Variants in NUP188 observed in about 807,000 individuals in gnomAD.
NUP188 encodes nucleoporin 188.
A neutral mutation model predicts 223.0 loss-of-function variants in NUP188; 97 were observed. The ratio of observed to expected loss-of-function variants is 0.43; its 90% CI spans 0.37 to 0.51. NUP188 has a LOEUF of 0.51. Ranked by LOEUF, NUP188 falls within the 20% of genes least tolerant of loss-of-function variation. The pLI, the probability that NUP188 is intolerant of heterozygous loss-of-function variation, is 0.00. For missense variants in NUP188, 1,947 were observed against 2,175.6 expected (o/e 0.89, Z 2.09); for synonymous variants, 869 against 828.0 (o/e 1.05, Z -0.85).
intron 36 of NUP188, 130 bp downstream of exon 36, chr9:129,002,106 C>T (rs1183681839): frequency 8.4e-6 from 6 of 713,066 alleles, no homozygotes; most frequent in Non-Finnish European, 1.5e-5. Flanking sequence ...GGTGAGGAAT[C>T]TTCCCTGCCC....
rs554137279 is a variant in NUP188, at chr9:128,983,682, G to A, written c.1961+132G>A. On this transcript the variant is annotated intron_variant, in intron 19 of 43. Transcript: ENST00000372577. ...TTTTTTTGAGATGGAGTCTCACTCT[G>A]TTGCCCAGGCTGGAGTGCAGTGGTG... 39 of 693,622 alleles carry A rather than the reference G, an allele frequency of 5.6e-5. No individual in the cohort carries two copies. The African/African-American group carries it at 5.9e-4, about 11-fold the overall frequency. The allele number at this position is 693,622 out of a possible 1,614,324, so 43.0% of individuals were successfully genotyped here.
At chr9:128,973,633 T>C (rs1249494245) in intron 12 of NUP188, among the ~76,000 whole-genome samples, 1 of 152,202 alleles carries the variant, frequency 6.6e-6, no homozygotes, top group Non-Finnish European at 1.5e-5. Flanking sequence ...TCCGCCTGCC[T>C]CGGCCTCCCA....
Position 128,981,229 on chromosome 9 carries a change from A to AG in NUP188, c.1390-32dup, listed in dbSNP as rs770840515. The AG allele has an allele frequency of 1.9e-6, 3 of 1,606,560 alleles. No homozygotes were observed. The Admixed American group carries it at 5.1e-5, about 27-fold the overall frequency. ...TGGGACCTCTCCTTGCTTATCCTGGAGGGAAATGTGTGATGGTTTTTTCTG... is the reference window on the plus strand; with the variant it reads ...TGGGACCTCTCCTTGCTTATCCTGGAGGGGAAATGTGTGATGGTTTTTTCTG... On this transcript the variant is annotated intron_variant, in intron 14 of 43. Coordinates refer to ENST00000372577, the MANE Select transcript of NUP188 (RefSeq NM_015354.3).
Position 129,006,347 on chromosome 9 carries a change from G to A in NUP188, c.5052G>A (p.Lys1684=), listed in dbSNP as rs1463903102. Residue 1684 remains lysine, a synonymous_variant, in exon 43 of 44, where the codon AAG becomes AAA. Transcript: ENST00000372577. ...AVHPRDKQRM[K]QELSSELSTL... is the part of the protein sequence containing the mutation. ...ACCCCCGGGACAAACAGCGGATGAA[G>A]CAGGAGCTCAGCTCTGAGTTGGTAC... 2 of 1,614,216 alleles carry A rather than the reference G, an allele frequency of 1.2e-6. No homozygotes were observed. The highest frequency in any genetic ancestry group is 2.2e-5 in the East Asian group (1 of 44,882).
intron 38 of NUP188, among the ~76,000 whole-genome samples, chr9:129,004,196 T>G (rs537266770): frequency 2.0e-4 from 29 of 147,540 alleles, no homozygotes; most frequent in African/African-American, 7.0e-4. Context: ...GGCAGGAGAA[T>G]CGCTTGAACT....
intron 8 of NUP188, among the ~76,000 whole-genome samples, chr9:128,966,431 T>A (rs1161969909): frequency 6.6e-6 from 1 of 151,760 alleles, no homozygotes; most frequent in Non-Finnish European, 1.5e-5. Context: ...GGCTGGAGTT[T>A]AGTGGCACAA....
chr9:128,958,996 C>T lies in NUP188; in HGVS notation c.466-19C>T. On this transcript the variant is annotated intron_variant, in intron 7 of 43. Coordinates refer to ENST00000372577, the MANE Select transcript of NUP188 (RefSeq NM_015354.3). The stretch of plus-strand genomic sequence containing the variant: ...TACCTTTTATTCTAGGTATAATTTA[C>T]TCTTTTGATTTTTTAAAGGTTGAAT... 1.3e-6 allele frequency: 2 copies of T among 1,501,560 alleles called. No individual in the cohort carries two copies. The highest frequency in any genetic ancestry group is 1.8e-6 in the Non-Finnish European group (2 of 1,106,048). The allele number at this position is 1,501,560 out of a possible 1,614,324, so 93.0% of individuals were successfully genotyped here. A position where few individuals can be genotyped will look rare whatever the true frequency, so the allele number is the denominator to read the frequency against.
rs763381553 is a variant in NUP188, at chr9:129,005,110, CAA to C, written c.4435-36_4435-35del. 3.8e-6 allele frequency: 6 copies of C among 1,558,508 alleles called. No individual in the cohort carries two copies. In the African/African-American group the frequency reaches 4.1e-5, roughly 11 times the overall value. On this transcript the variant is annotated intron_variant, in intron 38 of 43. Coordinates refer to ENST00000372577, the MANE Select transcript of NUP188 (RefSeq NM_015354.3). ...TCTGGTTGGGTGACTGGGCTGCTGA[CAA>C]GAGAATCCGCTCATCTCTCCTGTGT...
intron 37 of NUP188, 94 bp from the exon 38 acceptor site, chr9:129,003,223 G>T: frequency 7.0e-7 from 1 of 1,435,282 alleles, no homozygotes; most frequent in Non-Finnish European, 9.4e-7. Context: ...GCATTTGGGG[G>T]CCTGGGACGT....
Position 128,957,919 on chromosome 9 carries a change from C to T in NUP188, c.328-91C>T, listed in dbSNP as rs530866282. On this transcript the variant is annotated intron_variant, in intron 5 of 43. Coordinates refer to ENST00000372577, the MANE Select transcript of NUP188 (RefSeq NM_015354.3). ...GTAGAAACAAATGTGCAATTATAAT[C>T]TTGAAGGATGAAGTGAAGGTATCTA... is the stretch of plus-strand genomic sequence containing the variant. The T allele has an allele frequency of 5.9e-5, 56 of 948,146 alleles. No homozygotes were observed. The East Asian group carries it at 1.4e-3, about 24-fold the overall frequency. The allele number at this position is 948,146 out of a possible 1,614,324, so 58.7% of individuals were successfully genotyped here.
At chr9:129,004,808 T>A (rs541588518) in intron 38 of NUP188, 7 of 299,940 alleles carry the variant, frequency 2.3e-5, no homozygotes, top group Non-Finnish European at 3.1e-5. Context: ...CGGCCTCATC[T>A]TCTTTACTTT....
At chr9:128,957,138 T>G (rs1038507656) in intron 5 of NUP188, 106 bp downstream of exon 5, 31 of 699,036 alleles carry the variant, frequency 4.4e-5, no homozygotes, top group Non-Finnish European at 6.3e-5. Context: ...TGGTAGGTGA[T>G]CAGGTACCGT....
In NUP188 at chr9:128,990,120, G is replaced by A. The variant is rs1478637870; in HGVS notation, c.2534G>A (p.Gly845Asp). 2 of 1,610,358 alleles carry A rather than the reference G, an allele frequency of 1.2e-6. No homozygotes were observed. The highest frequency in any genetic ancestry group is 1.7e-6 in the Non-Finnish European group (2 of 1,176,656). The change falls in exon 25 of 44, where the codon GGT becomes GAT. Residue 845 changes from glycine (G) to aspartate (D), a missense_variant and splice_region_variant. This residue lies in a region of NUP188 where 225 missense variants were observed against 319.1 expected (regional missense o/e 0.71). Transcript: ENST00000372577. Reference protein sequence around the residue: ...SPLEQALSQHGAHGNNLIAVL... With the variant: ...SPLEQALSQHDAHGNNLIAVL... ...TAAACTGTTTCCTGTGCTGCTTTAG[G>A]TGCTCATGGAAACAACCTCATTGCT...
intron 15 of NUP188, 29 bp downstream of exon 15, chr9:128,981,419 C>T: frequency 6.3e-7 from 1 of 1,575,796 alleles, no homozygotes; most frequent in East Asian, 2.2e-5. Flanking sequence ...CCTTTTATGA[C>T]AGCTTTTTTT....
At chr9:128,973,845 ATTC>A (rs1468255949) in intron 12 of NUP188, among the ~76,000 whole-genome samples, 1 of 152,222 alleles carries the variant, frequency 6.6e-6, no homozygotes, top group African/African-American at 2.4e-5. Flanking sequence ...AAATATAGTA[ATTC>A]TTCTCTAGAA....
At chr9:128,966,830 A>G (rs976949181) in intron 8 of NUP188, among the ~76,000 whole-genome samples, 45 of 152,264 alleles carry the variant, frequency 3.0e-4, no homozygotes, top group Middle Eastern at 3.4e-3. Flanking sequence ...GTTTATTAGC[A>G]AGGGATTGGT....
At chr9:128,975,708 G>A (rs1352985957) in intron 12 of NUP188, among the ~76,000 whole-genome samples, 3 of 150,708 alleles carry the variant, frequency 2.0e-5, no homozygotes, top group Admixed American at 6.6e-5. Flanking sequence ...TCAGTAGACG[G>A]GGTTTTGCCA....
chr9:128,994,574 C>A, intron 28 of NUP188, 132 bp downstream of exon 28: 3 of 744,694 alleles, frequency 4.0e-6, no homozygotes, highest in East Asian at 4.9e-5. Flanking sequence ...CTAGAAACGT[C>A]TTTCTCAGGG....
At chr9:128,987,084 AGAGAGTGTGTGTGTGT>A (rs1269582851) in intron 22 of NUP188, among the ~76,000 whole-genome samples, 8 of 128,228 alleles carry the variant, frequency 6.2e-5, no homozygotes, top group South Asian at 5.7e-4. Context: ...AGAGAGAGAG[AGAGAGTGTGTGTGTGT>A]GTGTGTGTGT....
Sources: allele counts gnomAD v4.1 joint callset (sites outside exome capture counted in the v4.1 genomes callset), GRCh38; gene constraint gnomAD v4.1.1; regional missense constraint gnomAD v4.1.1; transcripts MANE v1.5; gene names NCBI Gene and HGNC (gene_info 2026-07-23, HGNC 2026-07-21).